The following RBMS2 variants were observed in gnomAD, a reference collection of about 807,000 sequenced individuals.
RBMS2 encodes RNA-binding motif, single-stranded-interacting protein 2.
Under a neutral mutation model 58.4 loss-of-function variants are expected in RBMS2, and 38 were observed. The observed-to-expected ratio is 0.65, with a 90% CI of 0.50 to 0.85. The LOEUF is 0.85. Among genes scored for constraint, RBMS2 ranks in the 40% least tolerant of loss-of-function variants. RBMS2 has a pLI of 0.00. For missense variants in RBMS2, 367 were observed against 503.7 expected, an observed-to-expected ratio of 0.73 and a Z score of 2.60; for synonymous variants, 151 against 180.7, an observed-to-expected ratio of 0.84 and a Z score of 1.32.
chr12:56,584,221 C>G (rs1035889924), intron 9 of RBMS2, among the ~76,000 whole-genome samples: 1 of 151,608 alleles, frequency 6.6e-6, no homozygotes, highest in East Asian at 2.0e-4. Context: ...CACTTGAGCT[C>G]AGGAGTTCGA....
chr12:56,566,316 T>G (rs1183556034), intron 2 of RBMS2, among the ~76,000 whole-genome samples: 2 of 152,224 alleles, frequency 1.3e-5, no homozygotes, highest in Non-Finnish European at 2.9e-5. Flanking sequence ...CCCTGACAAC[T>G]ATTTTCAGTT....
chr12:56,580,353 C>T (rs1188800062), intron 5 of RBMS2: 1 of 378,472 alleles, frequency 2.6e-6, no homozygotes, highest in Non-Finnish European at 5.2e-6. Context: ...TCACCTCTGC[C>T]TCCTGAGTAG....
intron 1 of RBMS2, among the ~76,000 whole-genome samples, chr12:56,544,368 G>A (rs1451924976): frequency 2.6e-5 from 4 of 152,062 alleles, no homozygotes; most frequent in Non-Finnish European, 5.9e-5. Context: ...TTACATTGTT[G>A]TTTTTAGGAA....
intron 1 of RBMS2, among the ~76,000 whole-genome samples, chr12:56,550,740 G>A (rs150607752): frequency 3.3e-5 from 5 of 151,972 alleles, no homozygotes; most frequent in Middle Eastern, 3.4e-3. Flanking sequence ...TACTTAGGAG[G>A]CTGAGGTAGG....
intron 1 of RBMS2, among the ~76,000 whole-genome samples, chr12:56,559,678 C>T (rs1199384154): frequency 2.0e-5 from 3 of 148,746 alleles, no homozygotes; most frequent in Admixed American, 1.3e-4. Context: ...GGTGAAACTC[C>T]GTCTCTACTA....
intron 1 of RBMS2, chr12:56,539,696 G>T (rs758065271): frequency 2.4e-5 from 11 of 451,422 alleles, no homozygotes; most frequent in South Asian, 1.7e-4. Flanking sequence ...ATGGAGTTTC[G>T]TTCGCTCTTG....
chr12:56,522,121 A>T (rs753814866), intron 1 of RBMS2, 32 bp downstream of exon 1: 1 of 1,509,390 alleles, frequency 6.6e-7, no homozygotes, highest in Non-Finnish European at 9.1e-7. Flanking sequence ...GTATCTAGCT[A>T]CTTCTTTTTC....
At chr12:56,568,735 G>A (rs1881795270) in intron 2 of RBMS2, among the ~76,000 whole-genome samples, 1 of 151,862 alleles carries the variant, frequency 6.6e-6, no homozygotes, top group South Asian at 2.1e-4. Flanking sequence ...TCATCATGTT[G>A]GCCAGGCTGG....
rs1285200975 is a variant in RBMS2, at chr12:56,543,484, C to CA, written c.67-18921dup. ...TGGGCAACAGAGCAAGACTCTGTCT[C>CA]AAAAAAAAAAAAGTACTGAGAGTCA... On this transcript the variant is annotated intron_variant, in intron 1 of 13. Coordinates refer to ENST00000262031, the MANE Select transcript of RBMS2 (RefSeq NM_002898.4). Among the ~76,000 whole-genome samples, 671 of 123,356 alleles carry CA rather than the reference C, an allele frequency of 5.4e-3. 7 individuals carry two copies. Among genetic ancestry groups the CA allele is most frequent in the African/African-American group, 0.017 (584 of 33,916 alleles). 80.9% of individuals were successfully genotyped at this position (123,356 alleles called of 152,430 possible). A position where few individuals can be genotyped will look rare whatever the true frequency, so the allele number is the denominator to read the frequency against.
At chr12:56,574,674 TTA>T (rs1227313201) in intron 5 of RBMS2, among the ~76,000 whole-genome samples, 3 of 152,210 alleles carry the variant, frequency 2.0e-5, no homozygotes, top group Non-Finnish European at 4.4e-5. Context: ...ATGAAATCTC[TTA>T]TATGTTTCTA....
chr12:56,545,287 A>C (rs777543872), intron 1 of RBMS2, among the ~76,000 whole-genome samples: 2 of 152,058 alleles, frequency 1.3e-5, no homozygotes, highest in Non-Finnish European at 2.9e-5. Context: ...GTGTATATAC[A>C]CCACATTTGC....
At chr12:56,586,570 T>C (rs1884701970) in intron 9 of RBMS2, among the ~76,000 whole-genome samples, 1 of 151,936 alleles carries the variant, frequency 6.6e-6, no homozygotes, top group South Asian at 2.1e-4. Context: ...TTTTTTTTTT[T>C]ACTAATTTTT....
intron 1 of RBMS2, among the ~76,000 whole-genome samples, chr12:56,527,561 G>A (rs1265741505): frequency 6.6e-6 from 1 of 152,014 alleles, no homozygotes. Flanking sequence ...GCAGTGAGCC[G>A]AGATCGCGCC....
intron 1 of RBMS2, among the ~76,000 whole-genome samples, chr12:56,538,688 G>A (rs1875471054): frequency 6.6e-6 from 1 of 151,874 alleles, no homozygotes; most frequent in South Asian, 2.1e-4. Flanking sequence ...CACCATCTTG[G>A]CCAGGCTGGT....
chr12:56,584,941 A>T (rs992526511), intron 9 of RBMS2, among the ~76,000 whole-genome samples: 6 of 149,746 alleles, frequency 4.0e-5, no homozygotes, highest in African/African-American at 1.5e-4. Flanking sequence ...CTCCTGCCTC[A>T]GCCTCCCAAG....
intron 1 of RBMS2, among the ~76,000 whole-genome samples, chr12:56,559,192 T>TG (rs1172463055): frequency 6.6e-6 from 1 of 151,854 alleles, no homozygotes; most frequent in Non-Finnish European, 1.5e-5. Flanking sequence ...GGACATTTTT[T>TG]TTTTGGAGAC....
At chr12:56,533,283 G>A (rs968065083) in intron 1 of RBMS2, among the ~76,000 whole-genome samples, 7 of 151,770 alleles carry the variant, frequency 4.6e-5, no homozygotes, top group South Asian at 4.2e-4. Context: ...AAATTTTTTT[G>A]TAGACACAGG....
intron 1 of RBMS2, among the ~76,000 whole-genome samples, chr12:56,559,073 A>G (rs1392636356): frequency 6.6e-6 from 1 of 152,056 alleles, no homozygotes; most frequent in African/African-American, 2.4e-5. Context: ...CATCGTGGCT[A>G]TCATCATCAT....
At chr12:56,586,165 G>A (rs1231584092) in intron 9 of RBMS2, among the ~76,000 whole-genome samples, 2 of 152,134 alleles carry the variant, frequency 1.3e-5, no homozygotes, top group Non-Finnish European at 2.9e-5. Context: ...TGTCTCTACT[G>A]AAAATACAAA....
Sources: gnomAD v4.1 joint callset for allele counts (sites outside exome capture counted in the v4.1 genomes callset) on GRCh38, gnomAD v4.1.1 for gene constraint, MANE v1.5 for transcripts, NCBI Gene and HGNC (gene_info 2026-07-23, HGNC 2026-07-21) for gene names.